CSNK1G1: variants seen among roughly 807,000 people sequenced by gnomAD.
CSNK1G1 encodes the protein casein kinase 1 gamma 1.
Under a neutral mutation model 59.6 loss-of-function variants are expected in CSNK1G1, and 22 were observed. That is an observed-to-expected ratio of 0.37 (90% CI 0.26 to 0.53). The LOEUF (loss-of-function observed/expected upper bound fraction) is 0.53, where lower values mean the gene tolerates loss of function less well. Among genes scored for constraint, CSNK1G1 ranks in the 20% least tolerant of loss-of-function variants. The probability of loss-of-function intolerance (pLI) is 0.89; values close to 1 mark genes in which losing one functional copy is unlikely to be tolerated. For synonymous variants in CSNK1G1, 179 were observed against 177.1 expected, an observed-to-expected ratio of 1.01 and a Z score of -0.08; for missense variants, 384 against 519.5, an observed-to-expected ratio of 0.74 and a Z score of 2.54.
intron 4 of CSNK1G1, among the ~76,000 whole-genome samples, chr15:64,226,398 A>T (rs2082461859): frequency 6.6e-6 from 1 of 152,128 alleles, no homozygotes. Flanking sequence ...TCTCTACTAA[A>T]ATACAAAAAA....
rs1421187350 is a variant in CSNK1G1, at chr15:64,170,915, C to T, written c.*1016G>A. 1 of 152,564 alleles carries T rather than the reference C, an allele frequency of 6.6e-6. No homozygotes were observed. The highest frequency in any genetic ancestry group is 1.5e-5 in the Non-Finnish European group (1 of 68,032). 9.5% of individuals were successfully genotyped at this position (152,564 alleles called of 1,614,324 possible). On this transcript the variant is annotated 3_prime_UTR_variant, in exon 12 of 12. Transcript: ENST00000303052. ...AAGATGCTCTGGTAGGGACATTCTT[C>T]AGCTGCTGAGAAGATGAATGAAAAT...
chr15:64,269,596 C>T lies in CSNK1G1; in HGVS notation c.182-10355G>A, dbSNP rs187931455. ...GCAACCTCTGCCTCCCGGGTTCAAG[C>T]GATTCTCCTGCCTCAGCCTCCCGAG... is the stretch of plus-strand genomic sequence containing the variant. On this transcript the variant is annotated intron_variant, in intron 2 of 11. Transcript: ENST00000303052. Among the ~76,000 whole-genome samples, 277 of 147,944 alleles carry T rather than the reference C, an allele frequency of 1.9e-3. 1 individual carries two copies. The highest frequency in any genetic ancestry group is 7.5e-3 in the Middle Eastern group (2 of 266).
At chr15:64,342,284 C>A (rs1428502608) in intron 1 of CSNK1G1, among the ~76,000 whole-genome samples, 1 of 152,184 alleles carries the variant, frequency 6.6e-6, no homozygotes, top group East Asian at 1.9e-4. Context: ...ATTTGCTGAT[C>A]TGTAAAACTG....
intron 11 of CSNK1G1, among the ~76,000 whole-genome samples, chr15:64,173,500 A>T (rs74019219): frequency 6.6e-6 from 1 of 152,148 alleles, no homozygotes; most frequent in South Asian, 2.1e-4. Context: ...TTGGAAACTA[A>T]ATTCTTTTAA....
intron 2 of CSNK1G1, among the ~76,000 whole-genome samples, chr15:64,275,419 A>G (rs550434926): frequency 1.8e-4 from 27 of 152,296 alleles, no homozygotes; most frequent in African/African-American, 6.0e-4. Flanking sequence ...AAAGCAGATA[A>G]TGTTTTCACT....
chr15:64,318,981 G>A (rs1024035493), intron 1 of CSNK1G1, among the ~76,000 whole-genome samples: 13 of 151,692 alleles, frequency 8.6e-5, no homozygotes, highest in African/African-American at 2.9e-4. Context: ...CTCCTGAGTA[G>A]CTGGAACTAC....
intron 2 of CSNK1G1, among the ~76,000 whole-genome samples, chr15:64,292,300 T>C (rs1293359728): frequency 1.3e-5 from 2 of 151,974 alleles, no homozygotes; most frequent in Non-Finnish European, 2.9e-5. Context: ...GCCTGTCATA[T>C]AAATCCTACA....
chr15:64,347,535 G>A (rs1478670876), intron 1 of CSNK1G1, among the ~76,000 whole-genome samples: 1 of 144,414 alleles, frequency 6.9e-6, no homozygotes, highest in Non-Finnish European at 1.5e-5. Flanking sequence ...AGGATCGCTT[G>A]AGCCCAGGAA....
At position 64,276,398 on chromosome 15, in the gene CSNK1G1, T is replaced by G. The variant is rs1465027505; in HGVS notation, c.182-17157A>C. On this transcript the variant is annotated intron_variant, in intron 2 of 11. Coordinates refer to ENST00000303052, the MANE Select transcript of CSNK1G1 (RefSeq NM_022048.5). ...CCCCATGTAACCTACCCAATTTCAG[T>G]AACTTTATTATTTTGAAACAAATCT... is the stretch of plus-strand genomic sequence containing the variant. Among the ~76,000 whole-genome samples the G allele has an allele frequency of 3.3e-5, 5 of 152,340 alleles. No individual in the cohort carries two copies. In the South Asian group the frequency reaches 8.3e-4, roughly 25 times the overall value.
chr15:64,223,302 T>G (rs1380437501), intron 4 of CSNK1G1, among the ~76,000 whole-genome samples: 2 of 152,146 alleles, frequency 1.3e-5, no homozygotes, highest in East Asian at 3.8e-4. Context: ...GCTTAAGAAA[T>G]TTTAAATTAA....
chr15:64,204,801 C>G, intron 8 of CSNK1G1, 64 bp downstream of exon 8: 1 of 1,203,290 alleles, frequency 8.3e-7, no homozygotes, highest in South Asian at 1.2e-5. Flanking sequence ...CTAGAGATAC[C>G]CAGTCATGGA....
At chr15:64,336,880 T>C (rs1803012442) in intron 1 of CSNK1G1, among the ~76,000 whole-genome samples, 1 of 152,120 alleles carries the variant, frequency 6.6e-6, no homozygotes, top group Admixed American at 6.5e-5. Flanking sequence ...TATGTCTTTT[T>C]AACGTATTAT....
chr15:64,189,725 C>G (rs1289812810), intron 10 of CSNK1G1, among the ~76,000 whole-genome samples: 1 of 151,866 alleles, frequency 6.6e-6, no homozygotes, highest in Non-Finnish European at 1.5e-5. Context: ...TTCAGTATCT[C>G]ATTGACAAGA....
intron 2 of CSNK1G1, among the ~76,000 whole-genome samples, chr15:64,284,740 CTAAGA>C (rs1465962477): frequency 4.0e-5 from 6 of 151,896 alleles, no homozygotes; most frequent in Admixed American, 3.9e-4. Flanking sequence ...ACTATTTTGG[CTAAGA>C]TATTTTTAAT....
intron 10 of CSNK1G1, among the ~76,000 whole-genome samples, chr15:64,183,425 C>T (rs189463472): frequency 4.6e-5 from 7 of 152,262 alleles, no homozygotes; most frequent in African/African-American, 1.7e-4. Flanking sequence ...CACATCTGGG[C>T]CTTCACAGCA....
chr15:64,324,535 G>T (rs183577425), intron 1 of CSNK1G1, among the ~76,000 whole-genome samples: 4 of 152,344 alleles, frequency 2.6e-5, no homozygotes, highest in Admixed American at 1.3e-4. Context: ...TTACACCAGT[G>T]GTTTGCCAGA....
At chr15:64,259,016 G>A (rs1016496083) in intron 3 of CSNK1G1, 185 bp downstream of exon 3, 4 of 511,530 alleles carry the variant, frequency 7.8e-6, no homozygotes, top group African/African-American at 4.0e-5. Flanking sequence ...ACTATATAGT[G>A]TTATATAGTA....
At chr15:64,237,305 C>T (rs563719918) in intron 4 of CSNK1G1, among the ~76,000 whole-genome samples, 1 of 152,234 alleles carries the variant, frequency 6.6e-6, no homozygotes, top group South Asian at 2.1e-4. Flanking sequence ...AATAACTTTT[C>T]CCTGAATTTA....
At chr15:64,261,362 A>G (rs1194061353) in intron 2 of CSNK1G1, among the ~76,000 whole-genome samples, 1 of 152,128 alleles carries the variant, frequency 6.6e-6, no homozygotes, top group African/African-American at 2.4e-5. Flanking sequence ...GCACTTTGGG[A>G]GGCTGAGGTG....
Sources: gnomAD v4.1 joint callset for allele counts (sites outside exome capture counted in the v4.1 genomes callset) on GRCh38, gnomAD v4.1.1 for gene constraint, MANE v1.5 for transcripts, NCBI Gene and HGNC (gene_info 2026-07-23, HGNC 2026-07-21) for gene names.